CNTNAP2: variants seen among roughly 807,000 people sequenced by gnomAD.
CNTNAP2 encodes the protein contactin-associated protein-like 2.
CNTNAP2 carries 98 observed loss-of-function variants against 155.2 expected under a neutral mutation model. The ratio of observed to expected loss-of-function variants is 0.63; its 90% CI spans 0.54 to 0.75. The LOEUF is 0.75. CNTNAP2 is among the 30% of genes least tolerant of loss of function. The pLI is 0.00. For synonymous variants in CNTNAP2, 651 were observed against 631.2 expected, an observed-to-expected ratio of 1.03 and a Z score of -0.47; for missense variants, 1,727 against 1,688.1, an observed-to-expected ratio of 1.02 and a Z score of -0.40.
intron 9 of CNTNAP2, among the ~76,000 whole-genome samples, chr7:147,326,576 A>G (rs1259981630): frequency 6.6e-6 from 1 of 152,194 alleles, no homozygotes; most frequent in Non-Finnish European, 1.5e-5. Flanking sequence ...TTACATGTTA[A>G]TTCTATTTTA....
chr7:146,451,972 G>C (rs772153746), intron 1 of CNTNAP2, among the ~76,000 whole-genome samples: 1 of 150,854 alleles, frequency 6.6e-6, no homozygotes, highest in Non-Finnish European at 1.5e-5. Flanking sequence ...GCAGTGGCGC[G>C]ATCTCGACTC....
intron 3 of CNTNAP2, among the ~76,000 whole-genome samples, chr7:146,919,249 T>A (rs917000142): frequency 1.3e-5 from 2 of 152,164 alleles, no homozygotes; most frequent in Non-Finnish European, 2.9e-5. Flanking sequence ...TTGAGGGTGT[T>A]AAAGAAACTT....
At chr7:146,865,130 A>G (rs1398961457) in intron 3 of CNTNAP2, among the ~76,000 whole-genome samples, 2 of 152,060 alleles carry the variant, frequency 1.3e-5, no homozygotes, top group Non-Finnish European at 2.9e-5. Flanking sequence ...AGGACCAAAG[A>G]CTTGAAATAC....
intron 1 of CNTNAP2, among the ~76,000 whole-genome samples, chr7:146,242,453 C>T (rs1358656834): frequency 3.3e-5 from 5 of 151,548 alleles, no homozygotes; most frequent in African/African-American, 7.3e-5. Flanking sequence ...GCAGGGGAAT[C>T]GCTTGAACCC....
chr7:147,065,550 G>T (rs912759736), intron 4 of CNTNAP2, among the ~76,000 whole-genome samples: 1 of 152,194 alleles, frequency 6.6e-6, no homozygotes, highest in African/African-American at 2.4e-5. Context: ...TAGCTGGTTA[G>T]TGGCAGACAC....
At chr7:146,985,911 T>C (rs1276951315) in intron 3 of CNTNAP2, among the ~76,000 whole-genome samples, 2 of 152,174 alleles carry the variant, frequency 1.3e-5, no homozygotes, top group African/African-American at 4.8e-5. Context: ...TAAAGTCTGT[T>C]TTTAAAATCT....
At chr7:147,408,767 A>T (rs956178831) in intron 10 of CNTNAP2, among the ~76,000 whole-genome samples, 1 of 151,902 alleles carries the variant, frequency 6.6e-6, no homozygotes, top group Non-Finnish European at 1.5e-5. Context: ...CAATAATAAT[A>T]AAAAAAAGAG....
chr7:147,973,773 C>A (rs1011873501), intron 14 of CNTNAP2, among the ~76,000 whole-genome samples: 1 of 151,998 alleles, frequency 6.6e-6, no homozygotes, highest in African/African-American at 2.4e-5. Context: ...CTTTTTAAGA[C>A]GAAAAGTCCA....
intron 11 of CNTNAP2, among the ~76,000 whole-genome samples, chr7:147,513,077 A>G (rs1652945189): frequency 1.3e-5 from 2 of 152,210 alleles, no homozygotes; most frequent in South Asian, 4.1e-4. Context: ...CCAAGTAATA[A>G]GAGTAGGTCA....
At chr7:147,955,885 G>A (rs144724911) in intron 14 of CNTNAP2, among the ~76,000 whole-genome samples, 321 of 152,294 alleles carry the variant, frequency 2.1e-3, no homozygotes, top group African/African-American at 7.4e-3. Context: ...GGCTTGTGAT[G>A]GGGGTACAGA....
chr7:146,252,619 G>C (rs138984818), intron 1 of CNTNAP2, among the ~76,000 whole-genome samples: 191 of 152,286 alleles, frequency 1.3e-3, no homozygotes, highest in African/African-American at 3.9e-3. Flanking sequence ...AAGCAAGCTT[G>C]GAGAGCTGAC....
At chr7:146,618,715 C>T (rs762112698) in intron 1 of CNTNAP2, among the ~76,000 whole-genome samples, 3 of 152,134 alleles carry the variant, frequency 2.0e-5, no homozygotes, top group East Asian at 1.9e-4. Context: ...AATGCATAAA[C>T]GTTAATGGAA....
rs555850791 is a variant in CNTNAP2 at position 147,802,059 on chromosome 7, C to T, written c.2099-101506C>T. On this transcript the variant is annotated intron_variant, in intron 13 of 23. Coordinates refer to ENST00000361727, the MANE Select transcript of CNTNAP2 (RefSeq NM_014141.6). ...GCGGAGGGGCTCCTCACTTCTCAGA[C>T]GGGGCAGTTGCCGGGCGGAGGGTCT... Among the ~76,000 whole-genome samples, 320 of 143,438 alleles carry T rather than the reference C, an allele frequency of 2.2e-3. 2 individuals are homozygous for T. Among genetic ancestry groups the T allele is most frequent in the African/African-American group, 7.6e-3 (305 of 40,360 alleles). The allele number at this position is 143,438 out of a possible 152,430, so 94.1% of individuals were successfully genotyped here.
At chr7:147,750,738 T>C (rs1051613445) in intron 13 of CNTNAP2, among the ~76,000 whole-genome samples, 7 of 152,166 alleles carry the variant, frequency 4.6e-5, no homozygotes, top group African/African-American at 1.7e-4. Flanking sequence ...GCTACAACAA[T>C]TAGAAAATTC....
chr7:146,146,973 C>T (rs557698996), intron 1 of CNTNAP2, among the ~76,000 whole-genome samples: 2 of 152,200 alleles, frequency 1.3e-5, no homozygotes, highest in South Asian at 4.1e-4. Context: ...CTTAGTTGGG[C>T]TTCAAGTACT....
intron 16 of CNTNAP2, among the ~76,000 whole-genome samples, chr7:148,122,989 T>A (rs952015458): frequency 8.5e-5 from 13 of 152,072 alleles, no homozygotes; most frequent in African/African-American, 2.9e-4. Context: ...GTTGTGTGAG[T>A]GGGGCACCTT....
intron 21 of CNTNAP2, among the ~76,000 whole-genome samples, chr7:148,335,718 T>C (rs986018149): frequency 2.0e-5 from 3 of 152,240 alleles, no homozygotes; most frequent in African/African-American, 2.4e-5. Flanking sequence ...ATACATTTCA[T>C]TGGCCCTTCA....
intron 14 of CNTNAP2, among the ~76,000 whole-genome samples, chr7:147,960,138 G>T (rs1445415386): frequency 1.3e-5 from 2 of 152,152 alleles, no homozygotes; most frequent in Admixed American, 1.3e-4. Flanking sequence ...GAGTCATGGA[G>T]TGGTTATAGT....
At chr7:148,409,530 G>A (rs1175075727) in intron 23 of CNTNAP2, 59 bp downstream of exon 23, 2 of 1,442,134 alleles carry the variant, frequency 1.4e-6, no homozygotes, top group South Asian at 1.1e-5. Flanking sequence ...AGTAATAGTT[G>A]TCAATAACAT....
Sources: gnomAD v4.1 joint callset for allele counts (sites outside exome capture counted in the v4.1 genomes callset) on GRCh38, gnomAD v4.1.1 for gene constraint, MANE v1.5 for transcripts, NCBI Gene and HGNC (gene_info 2026-07-23, HGNC 2026-07-21) for gene names.